The following SAMD5 variants were observed in gnomAD, a reference collection of about 807,000 sequenced individuals.
SAMD5 encodes sterile alpha motif domain containing 5.
In SAMD5, 13 loss-of-function variants were observed where a neutral mutation model predicts 11.3. The observed-to-expected ratio is 1.15, with a 90% confidence interval of 0.75 to 1.83. SAMD5 has a LOEUF of 1.83. Ranked by LOEUF, SAMD5 falls within the 40% of genes most tolerant of loss-of-function variation. The pLI, the probability that SAMD5 is intolerant of heterozygous loss-of-function variation, is 0.00. For synonymous variants in SAMD5, 129 were observed against 111.3 expected, an observed-to-expected ratio of 1.16 and a Z score of -1.00; for missense variants, 255 against 239.1, an observed-to-expected ratio of 1.07 and a Z score of -0.44.
chr6:147,630,382 C>T (rs4632911), intron 1 of SAMD5, among the ~76,000 whole-genome samples: 1 of 151,958 alleles, frequency 6.6e-6, no homozygotes, highest in Admixed American at 6.6e-5. Context: ...GTTTGTCAGG[C>T]CTCTGAGTCC....
chr6:147,803,509 C>T, the SAMD5 span, among the ~76,000 whole-genome samples: 2 of 152,184 alleles, frequency 1.3e-5, no homozygotes, highest in Admixed American at 1.3e-4. Flanking sequence ...TAGAAACCTT[C>T]AGTGGTTCCC....
At chr6:147,704,582 T>TG (rs1247633886) in intron 1 of SAMD5, among the ~76,000 whole-genome samples, 1 of 151,912 alleles carries the variant, frequency 6.6e-6, no homozygotes, top group African/African-American at 2.4e-5. Flanking sequence ...TGACAGGTAG[T>TG]GGGGGTGTGG....
chr6:147,879,307 C>T, the SAMD5 span, among the ~76,000 whole-genome samples: 3 of 152,278 alleles, frequency 2.0e-5, no homozygotes, highest in Non-Finnish European at 2.9e-5. Context: ...TATTTATCTG[C>T]GCAGGCTGAT....
At chr6:147,541,324 G>A (rs1374551760) in intron 1 of SAMD5, among the ~76,000 whole-genome samples, 1 of 152,180 alleles carries the variant, frequency 6.6e-6, no homozygotes, top group Non-Finnish European at 1.5e-5. Context: ...TAATTTGCAA[G>A]ATGCTGCCCA....
chr6:147,592,890 A>G (rs1789476177), intron 1 of SAMD5, among the ~76,000 whole-genome samples: 1 of 152,186 alleles, frequency 6.6e-6, no homozygotes, highest in Non-Finnish European at 1.5e-5. Context: ...ACATTCATCC[A>G]CCATTGAGAT....
chr6:147,642,029 A>T (rs1282182068), intron 1 of SAMD5, among the ~76,000 whole-genome samples: 3 of 152,208 alleles, frequency 2.0e-5, no homozygotes, highest in Non-Finnish European at 2.9e-5. Flanking sequence ...ACAGATCCAG[A>T]AGTAATGAAT....
the SAMD5 span, among the ~76,000 whole-genome samples, chr6:147,812,929 T>A: frequency 3.9e-5 from 6 of 152,200 alleles, no homozygotes; most frequent in Admixed American, 6.5e-5. Flanking sequence ...GGCCTCTCAT[T>A]ACCTATTAAA....
chr6:147,766,118 CA>C, the SAMD5 span, among the ~76,000 whole-genome samples: 1 of 122,064 alleles, frequency 8.2e-6, no homozygotes, highest in Non-Finnish European at 1.9e-5. Flanking sequence ...AAAAAAAACA[CA>C]AAAAAAGAAT....
At chr6:147,829,221 G>GAGCAAAT in the SAMD5 span, among the ~76,000 whole-genome samples, 1 of 152,180 alleles carries the variant, frequency 6.6e-6, no homozygotes, top group Admixed American at 6.6e-5. Flanking sequence ...CAAGCCAGTG[G>GAGCAAAT]AGCAAATACA....
intron 1 of SAMD5, among the ~76,000 whole-genome samples, chr6:147,584,016 C>T (rs1323228965): frequency 6.6e-6 from 1 of 151,898 alleles, no homozygotes; most frequent in Non-Finnish European, 1.5e-5. Context: ...TGAAGTACTT[C>T]AGAGCATATG....
In SAMD5 at chr6:147,565,855, G is replaced by A. The variant is rs1033564895; in HGVS notation, c.*1399G>A. ...AGAAGCCATGGCAAAAGATGTTGAC[G>A]TACAACTGGCTCCTGAGGCTGTCAA... On this transcript the variant is annotated 3_prime_UTR_variant, in exon 2 of 2. Coordinates refer to ENST00000367474, the MANE Select transcript of SAMD5 (RefSeq NM_001030060.3). 1.5e-4 allele frequency: 149 copies of A among 985,176 alleles called. 1 individual carries two copies. The highest frequency in any genetic ancestry group is 5.6e-4 in the South Asian group (12 of 21,286). 61.0% of individuals were successfully genotyped at this position (985,176 alleles called of 1,614,324 possible). A position where few individuals can be genotyped will look rare whatever the true frequency, so the allele number is the denominator to read the frequency against.
chr6:147,536,986 G>A (rs957703521), intron 1 of SAMD5, among the ~76,000 whole-genome samples: 1 of 152,066 alleles, frequency 6.6e-6, no homozygotes, highest in Non-Finnish European at 1.5e-5. Context: ...GGACCAAAGT[G>A]AGACAATAAC....
At chr6:147,789,727 G>C in the SAMD5 span, among the ~76,000 whole-genome samples, 1 of 152,118 alleles carries the variant, frequency 6.6e-6, no homozygotes, top group African/African-American at 2.4e-5. Flanking sequence ...GTCTACTCAG[G>C]CTCCTCTTAG....
At chr6:147,798,209 T>C in the SAMD5 span, among the ~76,000 whole-genome samples, 4 of 148,818 alleles carry the variant, frequency 2.7e-5, no homozygotes, top group Admixed American at 6.7e-5. Context: ...GCATTTAGTG[T>C]TATAAATTTC....
the SAMD5 span, among the ~76,000 whole-genome samples, chr6:147,750,284 C>A: frequency 6.6e-6 from 1 of 152,236 alleles, no homozygotes; most frequent in Non-Finnish European, 1.5e-5. Flanking sequence ...TGAAAATGTG[C>A]ATCTTTTTAG....
At chr6:147,766,781 A>G in the SAMD5 span, among the ~76,000 whole-genome samples, 1 of 152,180 alleles carries the variant, frequency 6.6e-6, no homozygotes, top group Non-Finnish European at 1.5e-5. Context: ...GTGTAGAGCA[A>G]TAAGTATCTA....
the SAMD5 span, among the ~76,000 whole-genome samples, chr6:147,867,973 A>G: frequency 6.6e-6 from 1 of 152,186 alleles, no homozygotes; most frequent in South Asian, 2.1e-4. Flanking sequence ...ACTATTACCA[A>G]TGTGTTTAAT....
At chr6:147,548,138 A>G (rs1278840353) in intron 1 of SAMD5, among the ~76,000 whole-genome samples, 2 of 152,202 alleles carry the variant, frequency 1.3e-5, no homozygotes, top group Non-Finnish European at 2.9e-5. Context: ...TAAGAGAAAG[A>G]GATTTAGCGG....
chr6:147,856,821 CG>C, the SAMD5 span, among the ~76,000 whole-genome samples: 4,114 of 58,944 alleles, frequency 0.07, 93 homozygotes, highest in Non-Finnish European at 0.077. Flanking sequence ...TCTGGGGGCG[CG>C]GGGGGGGGGG....
Sources: gnomAD v4.1 joint callset for allele counts (sites outside exome capture counted in the v4.1 genomes callset) on GRCh38, gnomAD v4.1.1 for gene constraint, MANE v1.5 for transcripts, NCBI Gene and HGNC (gene_info 2026-07-23, HGNC 2026-07-21) for gene names.